The following CYP26B1 variants were observed in gnomAD, a reference collection of about 807,000 sequenced individuals.
The protein encoded by CYP26B1 is cytochrome P450 family 26 subfamily B member 1.
A neutral mutation model predicts 39.1 loss-of-function variants in CYP26B1; 8 were observed. That is an observed-to-expected ratio of 0.20 (90% CI 0.12 to 0.37). The LOEUF is 0.37. Ranked by LOEUF, CYP26B1 falls within the 10% of genes least tolerant of loss-of-function variation. CYP26B1 has a pLI of 1.00. For missense variants in CYP26B1, 615 were observed against 707.0 expected, an observed-to-expected ratio of 0.87 and a Z score of 1.48; for synonymous variants, 321 against 314.3, an observed-to-expected ratio of 1.02 and a Z score of -0.23.
intron 2 of CYP26B1, among the ~76,000 whole-genome samples, chr2:72,142,632 T>C (rs1029548222): frequency 1.3e-5 from 2 of 152,212 alleles, no homozygotes; most frequent in Admixed American, 1.3e-4. Context: ...CCTCGCTCTT[T>C]GGAATGGGCC....
At chr2:72,145,539 G>C (rs2104101925) in intron 1 of CYP26B1, among the ~76,000 whole-genome samples, 2 of 152,342 alleles carry the variant, frequency 1.3e-5, no homozygotes, top group Non-Finnish European at 2.9e-5. Flanking sequence ...GGTGGGGTGC[G>C]ACAGAAGGGG....
At chr2:72,139,603 A>G (rs904840940) in intron 2 of CYP26B1, among the ~76,000 whole-genome samples, 12 of 152,150 alleles carry the variant, frequency 7.9e-5, no homozygotes, top group Admixed American at 6.5e-4. Context: ...ACTCTTCCAC[A>G]CATACCTACA....
In CYP26B1 at chr2:72,129,621, A is replaced by G. The variant is rs1195448753; in HGVS notation, c.*2606T>C. Reference sequence around the variant, plus strand: ...ACACAAAATTATAACATTTATGAAAAAAAAGGTTTGTGTATAAAATAATAT... The same window carrying G: ...ACACAAAATTATAACATTTATGAAAGAAAAGGTTTGTGTATAAAATAATAT... On this transcript the variant is annotated 3_prime_UTR_variant, in exon 6 of 6. Transcript: ENST00000001146. 1 of 152,528 alleles carries G rather than the reference A, an allele frequency of 6.6e-6. No homozygotes were observed. The highest frequency in any genetic ancestry group is 2.4e-5 in the African/African-American group (1 of 41,436). The allele number at this position is 152,528 out of a possible 1,614,324, so 9.4% of individuals were successfully genotyped here.
intron 4 of CYP26B1, among the ~76,000 whole-genome samples, chr2:72,133,592 G>A (rs1285587917): frequency 6.6e-6 from 1 of 152,242 alleles, no homozygotes; most frequent in Non-Finnish European, 1.5e-5. Context: ...CTCACTCACT[G>A]CTGGGTTCCT....
intron 5 of CYP26B1, 92 bp from the exon 6 acceptor site, chr2:72,132,711 T>C (rs1676629803): frequency 6.6e-7 from 1 of 1,510,512 alleles, no homozygotes; most frequent in African/African-American, 1.4e-5. Context: ...CAGCCCCAGA[T>C]GTTCAAGACC....
intron 1 of CYP26B1, chr2:72,144,509 C>A: frequency 8.5e-7 from 1 of 1,173,764 alleles, no homozygotes; most frequent in Non-Finnish European, 1.1e-6. Context: ...GGACCCGAAG[C>A]GGGAGTCTCC....
chr2:72,138,618 C>T (rs1473705818), intron 2 of CYP26B1, among the ~76,000 whole-genome samples: 1 of 152,222 alleles, frequency 6.6e-6, no homozygotes, highest in African/African-American at 2.4e-5. Context: ...TCAGGCCAAG[C>T]CCTGCAGAGG....
chr2:72,134,317 G>T (rs3768645), intron 4 of CYP26B1, among the ~76,000 whole-genome samples: 5 of 151,330 alleles, frequency 3.3e-5, no homozygotes, highest in African/African-American at 9.7e-5. Flanking sequence ...CCTAGGGGGC[G>T]GGGGGGAGGG....
At chr2:72,136,521 T>C (rs1480060780) in intron 2 of CYP26B1, among the ~76,000 whole-genome samples, 1 of 152,182 alleles carries the variant, frequency 6.6e-6, no homozygotes, top group Non-Finnish European at 1.5e-5. Flanking sequence ...ACAATAGCAC[T>C]TTCATTCCGA....
At chr2:72,135,540 G>T in intron 2 of CYP26B1, 121 bp from the exon 3 acceptor site, 2 of 1,428,160 alleles carry the variant, frequency 1.4e-6, no homozygotes, top group Non-Finnish European at 1.9e-6. Flanking sequence ...CAACAGCAAA[G>T]CCTTGGGAGC....
intron 2 of CYP26B1, 22 bp from the exon 3 acceptor site, chr2:72,135,441 G>A: frequency 1.2e-6 from 2 of 1,604,598 alleles, no homozygotes; most frequent in Non-Finnish European, 1.7e-6. Context: ...AGAGGCAAGT[G>A]GGTGAGCCGA....
chr2:72,143,884 C>A (rs1185023808), intron 2 of CYP26B1, 105 bp downstream of exon 2: 3 of 1,373,504 alleles, frequency 2.2e-6, no homozygotes, highest in East Asian at 4.9e-5. Flanking sequence ...GCATGGTGTG[C>A]AAAGGGGGGC....
chr2:72,145,765 A>G (rs1308856722), intron 1 of CYP26B1, among the ~76,000 whole-genome samples: 3 of 151,910 alleles, frequency 2.0e-5, no homozygotes, highest in African/African-American at 7.3e-5. Context: ...TGGCATTAAT[A>G]AAGAGTTATT....
At chr2:72,140,189 G>A (rs1428630849) in intron 2 of CYP26B1, among the ~76,000 whole-genome samples, 1 of 152,204 alleles carries the variant, frequency 6.6e-6, no homozygotes, top group Non-Finnish European at 1.5e-5. Flanking sequence ...GACACAGAAA[G>A]GAGGGACAGA....
In CYP26B1 at chr2:72,132,148, C is replaced by T. The variant is rs1676599979; in HGVS notation, c.*79G>A. ...GGCCACTCGCCCTCCCCGTTCCGGC[C>T]CCCTCCCACACACAGGTTTCTACCT... On this transcript the variant is annotated 3_prime_UTR_variant, in exon 6 of 6. Transcript: ENST00000001146. 2 of 1,501,460 alleles carry T rather than the reference C, an allele frequency of 1.3e-6. No individual in the cohort carries two copies. The highest frequency in any genetic ancestry group is 1.8e-6 in the Non-Finnish European group (2 of 1,105,118). 93.0% of individuals were successfully genotyped at this position (1,501,460 alleles called of 1,614,324 possible).
intron 2 of CYP26B1, among the ~76,000 whole-genome samples, chr2:72,139,263 G>T (rs1676869470): frequency 6.6e-6 from 1 of 152,204 alleles, no homozygotes. Flanking sequence ...GAATAACAGA[G>T]GGCAGGCAGC....
At chr2:72,135,088 AGAGAGGGGGCTCATGGATGC>A in intron 3 of CYP26B1, 36 bp downstream of exon 3, 1 of 1,609,664 alleles carries the variant, frequency 6.2e-7, no homozygotes, top group African/African-American at 1.3e-5. Context: ...ACCCACCCCC[AGAGAGGGGGCTCATGGATGC>A]CCCTGCTCCT....
intron 1 of CYP26B1, among the ~76,000 whole-genome samples, chr2:72,144,948 C>G (rs1007482610): frequency 6.6e-6 from 1 of 152,154 alleles, no homozygotes; most frequent in Non-Finnish European, 1.5e-5. Context: ...GGGCCGGGGC[C>G]GGCCGGACTC....
intron 2 of CYP26B1, 42 bp from the exon 3 acceptor site, chr2:72,135,461 C>A: frequency 1.2e-6 from 2 of 1,600,928 alleles, no homozygotes; most frequent in Non-Finnish European, 8.5e-7. Flanking sequence ...ATTGGCACAG[C>A]CCACCCCTGG....
Sources: allele counts gnomAD v4.1 joint callset (sites outside exome capture counted in the v4.1 genomes callset), GRCh38; gene constraint gnomAD v4.1.1; transcripts MANE v1.5; gene names NCBI Gene and HGNC (gene_info 2026-07-23, HGNC 2026-07-21).